STAG3: variants seen among roughly 807,000 people sequenced by gnomAD.
The protein encoded by STAG3 is cohesin subunit SA-3.
Under a neutral mutation model 160.7 loss-of-function variants are expected in STAG3, and 101 were observed. The ratio of observed to expected loss-of-function variants is 0.63; its 90% CI spans 0.54 to 0.74. The LOEUF (loss-of-function observed/expected upper bound fraction) is 0.74, where lower values mean the gene tolerates loss of function less well. Among genes scored for constraint, STAG3 ranks in the 30% least tolerant of loss-of-function variants. STAG3 has a pLI of 0.00. For missense variants in STAG3, 1,188 were observed against 1,517.4 expected, an observed-to-expected ratio of 0.78 and a Z score of 3.61; for synonymous variants, 519 against 585.0, an observed-to-expected ratio of 0.89 and a Z score of 1.63.
In STAG3 at chr7:100,207,061, G is replaced by A. The variant is rs187847250; in HGVS notation, c.3238+1677G>A. Among the ~76,000 whole-genome samples the A allele has an allele frequency of 2.0e-4, 31 of 152,232 alleles. No individual in the cohort carries two copies. The East Asian group carries it at 6.0e-3, about 29-fold the overall frequency. On this transcript the variant is annotated intron_variant, in intron 29 of 33. Coordinates refer to ENST00000615138, the MANE Select transcript of STAG3 (RefSeq NM_001282717.2). The surrounding 1 kb of genome is among the most constrained non-coding windows in gnomAD (Gnocchi z 4.0). ...TTCATCCATACTTTGACATATATCA[G>A]TATCTCATACCTTTTTATGGCCGAA...
At position 100,204,609 on chromosome 7, in the gene STAG3, C is replaced by G; in HGVS notation, c.2803-18C>G. 1 of 1,609,164 alleles carries G rather than the reference C, an allele frequency of 6.2e-7. No individual in the cohort carries two copies. Among genetic ancestry groups the G allele is most frequent in the South Asian group, 1.1e-5 (1 of 90,928 alleles). ...GTGTTCCTCCCTTTCCCACATGCAC[C>G]ATGTCTCCTGGACACAGCTGTACAC... On this transcript the variant is annotated intron_variant, in intron 26 of 33. Coordinates refer to ENST00000615138, the MANE Select transcript of STAG3 (RefSeq NM_001282717.2).
At chr7:100,182,354 G>A (rs1314890224) in intron 3 of STAG3, among the ~76,000 whole-genome samples, 162 bp downstream of exon 3, 2 of 149,126 alleles carry the variant, frequency 1.3e-5, no homozygotes, top group African/African-American at 2.5e-5. Flanking sequence ...GCGAGACTCC[G>A]TCTCAAAAAA....
rs1800912599 is a variant in STAG3 at position 100,199,286 on chromosome 7, G to C, written c.1492G>C (p.Val498Leu). 1 of 1,613,900 alleles carries C rather than the reference G, an allele frequency of 6.2e-7. No individual in the cohort carries two copies. Among genetic ancestry groups the C allele is most frequent in the Non-Finnish European group, 8.5e-7 (1 of 1,179,768 alleles). Residue 498 changes from valine to leucine, a missense_variant, in exon 15 of 34, where the codon GTA (valine) becomes CTA (leucine). Physicochemically the swap from Val to Leu is conservative, Grantham distance 32. Coordinates refer to ENST00000615138, the MANE Select transcript of STAG3 (RefSeq NM_001282717.2). ...GCTCCATGACCACGCTGCTTACTTA[G>C]TAGACAGTCTGTGGGACTGTGCAGG... is the stretch of plus-strand genomic sequence containing the variant. ...SELHDHAAYL[V>L]DSLWDCAGAR...
intron 29 of STAG3, among the ~76,000 whole-genome samples, chr7:100,208,627 T>A (rs1801881511): frequency 1.3e-5 from 2 of 152,030 alleles, no homozygotes; most frequent in African/African-American, 4.8e-5. Flanking sequence ...AGCATGGAGG[T>A]ACATAGATCG....
intron 5 of STAG3, among the ~76,000 whole-genome samples, chr7:100,188,167 T>C (rs991460107): frequency 6.6e-6 from 1 of 152,188 alleles, no homozygotes; most frequent in African/African-American, 2.4e-5. Context: ...TTGGGGTTTC[T>C]TGATGCCATT....
chr7:100,201,531 GTCT>G (rs1177806811), intron 21 of STAG3, 180 bp downstream of exon 21: 1 of 643,128 alleles, frequency 1.6e-6, no homozygotes, highest in Non-Finnish European at 2.7e-6. Context: ...TACTTCCAGG[GTCT>G]TCTTGGATTT....
intron 8 of STAG3, among the ~76,000 whole-genome samples, chr7:100,194,048 AG>A (rs1263338137): frequency 6.6e-6 from 1 of 151,106 alleles, no homozygotes; most frequent in Non-Finnish European, 1.5e-5. Flanking sequence ...CCTGGGTTCA[AG>A]TGATTCTCCT....
In STAG3 at chr7:100,198,846, C is replaced by T. The variant is rs761112017; in HGVS notation, c.1356C>T (p.Leu452=). 3.1e-6 allele frequency: 5 copies of T among 1,612,146 alleles called. No individual in the cohort carries two copies. Among genetic ancestry groups the T allele is most frequent in the Non-Finnish European group, 4.2e-6 (5 of 1,179,918 alleles). ...TTCCTCGTGTCCATTCCACCAGACT[C>T]TTCTACCCTGAGTGCGAGATAAGAA... ...SAAGEFLYWK[L]FYPECEIRMM... Residue 452 remains leucine (L), a synonymous_variant, in exon 14 of 34, where the codon CTC becomes CTT. Transcript: ENST00000615138.
intron 11 of STAG3, 89 bp downstream of exon 11, chr7:100,197,965 G>A: frequency 6.7e-7 from 1 of 1,502,144 alleles, no homozygotes; most frequent in African/African-American, 1.4e-5. Flanking sequence ...GCTCTAAGAT[G>A]TCTTGGCTAT....
intron 8 of STAG3, among the ~76,000 whole-genome samples, chr7:100,189,818 A>G (rs1584678432): frequency 6.7e-6 from 1 of 148,448 alleles, no homozygotes; most frequent in East Asian, 2.0e-4. Flanking sequence ...CTCTAATTCC[A>G]CTTTTGCTCA....
chr7:100,190,591 TATC>T (rs982259098), intron 8 of STAG3, among the ~76,000 whole-genome samples: 3 of 152,274 alleles, frequency 2.0e-5, no homozygotes, highest in African/African-American at 7.2e-5. Context: ...CTTAATCAAT[TATC>T]ATTATAATTC....
chr7:100,195,682 G>A lies in STAG3; in HGVS notation c.941+300G>A, dbSNP rs73159758. The stretch of plus-strand genomic sequence containing the variant: ...AACTCCTCATCTTTCTGGGGTTGGA[G>A]ACTTGAGGATAAGAGCAGAGAATAG... On this transcript the variant is annotated intron_variant, in intron 9 of 33. Coordinates refer to ENST00000615138, the MANE Select transcript of STAG3 (RefSeq NM_001282717.2). 9.4e-3 allele frequency among the ~76,000 whole-genome samples: 1,433 copies of A among 152,358 alleles called. 11 individuals are homozygous for A. Among genetic ancestry groups the A allele is most frequent in the Admixed American group, 0.013 (202 of 15,310 alleles).
intron 25 of STAG3, 137 bp downstream of exon 25, chr7:100,202,727 G>A (rs965602750): frequency 8.9e-7 from 1 of 1,129,732 alleles, no homozygotes; most frequent in Non-Finnish European, 1.2e-6. Context: ...GAAAGGCACT[G>A]GGAGTTCAGA....
In STAG3 at chr7:100,213,745, G is replaced by T; in HGVS notation, c.3611G>T (p.Ser1204Ile). Residue 1204 changes from serine (S) to isoleucine (I), a missense_variant, in exon 33 of 34, where the codon AGC (serine) becomes ATC (isoleucine). Ser to Ile is a moderately radical substitution (Grantham distance 142). Coordinates refer to ENST00000615138, the MANE Select transcript of STAG3 (RefSeq NM_001282717.2). ...CCTCATTCTCTCTAGCAAGCAAGTA[G>T]CTACTCTTCCACCAGTGAGCGCGGG... ...ERQDTDMQASSYSSTSERGLD... is the reference protein window; with the variant it reads ...ERQDTDMQASIYSSTSERGLD... The T allele has an allele frequency of 6.2e-7, 1 of 1,614,230 alleles. No homozygotes were observed. Among genetic ancestry groups the T allele is most frequent in the South Asian group, 1.1e-5 (1 of 91,086 alleles).
In STAG3 at chr7:100,211,275, C is replaced by T; in HGVS notation, c.3413+90C>T. 7 of 1,493,392 alleles carry T rather than the reference C, an allele frequency of 4.7e-6. 1 individual carries two copies. Among genetic ancestry groups the T allele is most frequent in the Non-Finnish European group, 5.4e-6 (6 of 1,105,478 alleles). 92.5% of individuals were successfully genotyped at this position (1,493,392 alleles called of 1,614,324 possible). ...GCTGTTTCTGTTTCATGGTTCCCTG[C>T]TGTAGCACTCCCACATTGTTGGGTT... On this transcript the variant is annotated intron_variant, in intron 30 of 33. Coordinates refer to ENST00000615138, the MANE Select transcript of STAG3 (RefSeq NM_001282717.2).
chr7:100,198,119 G>C lies in STAG3; in HGVS notation c.1197G>C (p.Glu399Asp). 1 of 1,613,964 alleles carries C rather than the reference G, an allele frequency of 6.2e-7. No individual in the cohort carries two copies. Among genetic ancestry groups the C allele is most frequent in the Non-Finnish European group, 8.5e-7 (1 of 1,179,860 alleles). ...TGGTTTCCATGGTCATGGACAGAGA[G>C]TATGATGTGGCAGTGGAGGCTGTCA... ...DRMVSMVMDR[E>D]YDVAVEAVRL... The change falls in exon 12 of 34, where the codon GAG becomes GAC. Residue 399 changes from glutamate to aspartate, a missense_variant. Coordinates refer to ENST00000615138, the MANE Select transcript of STAG3 (RefSeq NM_001282717.2).
In STAG3 at chr7:100,198,599, TTA is replaced by T; in HGVS notation, c.1352+19_1352+20del. ...GTACTGGAAGTGAGTGGGGCTCCTT[TTA>T]TGTTTCTTTAACACCACGCTCTCGG... On this transcript the variant is annotated intron_variant, in intron 13 of 33. Transcript: ENST00000615138. 1 of 1,605,524 alleles carries T rather than the reference TTA, an allele frequency of 6.2e-7. No individual in the cohort carries two copies.
rs529283657 is a variant in STAG3 at position 100,197,509 on chromosome 7, C to G, written c.1065+230C>G. On this transcript the variant is annotated intron_variant, in intron 10 of 33. Transcript: ENST00000615138. ...AAAACCTGAGGTACGGGGAGAGAGACTTTCCCATGGAAGAGAGTTATTGAT... is the reference window on the plus strand; with the variant it reads ...AAAACCTGAGGTACGGGGAGAGAGAGTTTCCCATGGAAGAGAGTTATTGAT... 14 of 693,448 alleles carry G rather than the reference C, an allele frequency of 2.0e-5. No homozygotes were observed. In the African/African-American group the frequency reaches 2.3e-4, roughly 12 times the overall value. 43.0% of individuals were successfully genotyped at this position (693,448 alleles called of 1,614,324 possible).
chr7:100,194,162 G>A (rs907925225), intron 8 of STAG3, among the ~76,000 whole-genome samples: 12 of 152,078 alleles, frequency 7.9e-5, no homozygotes, highest in African/African-American at 2.9e-4. Context: ...GGTCAGGCTG[G>A]TCTCGAACTG....
Sources: allele counts gnomAD v4.1 joint callset (sites outside exome capture counted in the v4.1 genomes callset), GRCh38; gene constraint gnomAD v4.1.1; non-coding constraint Gnocchi (gnomAD v3.1); transcripts MANE v1.5; gene names NCBI Gene and HGNC (gene_info 2026-07-23, HGNC 2026-07-21).